Variants in EGFR observed in about 807,000 individuals in gnomAD.
EGFR encodes the protein epidermal growth factor receptor, also known as avian erythroblastic leukemia viral (v-erb-b) oncogene homolog.
Under a neutral mutation model 143.0 loss-of-function variants are expected in EGFR, and 58 were observed. The observed-to-expected ratio is 0.41, with a 90% confidence interval of 0.33 to 0.50. The LOEUF is 0.50. EGFR is among the 20% of genes least tolerant of loss of function. EGFR has a pLI of 0.39. For missense variants in EGFR, 1,307 were observed against 1,579.0 expected (o/e 0.83, Z 2.92); for synonymous variants, 613 against 594.4 (o/e 1.03, Z -0.45).
At chr7:55,134,859 T>C (rs1484553826) in intron 1 of EGFR, among the ~76,000 whole-genome samples, 4 of 152,224 alleles carry the variant, frequency 2.6e-5, no homozygotes, top group East Asian at 1.9e-4. Context: ...GGCCCTTTCA[T>C]GTCCATGATC....
chr7:55,184,189 G>A (rs766876163), intron 20 of EGFR, among the ~76,000 whole-genome samples: 8 of 152,298 alleles, frequency 5.3e-5, no homozygotes, highest in Admixed American at 1.3e-4. Flanking sequence ...GAGCCCCTTC[G>A]CATCGCCCAC....
chr7:55,040,571 A>C (rs550051333), intron 1 of EGFR, among the ~76,000 whole-genome samples: 45 of 152,338 alleles, frequency 3.0e-4, no homozygotes, highest in African/African-American at 1.1e-3. Context: ...GTGCTTATCT[A>C]AACTCTTACT....
chr7:55,201,236 C>T lies in EGFR; in HGVS notation c.2995C>T (p.Arg999Cys), dbSNP rs866928399. Residue 999 changes from arginine (R) to cysteine (C), a missense_variant, in exon 25 of 28, where the codon CGT becomes TGT. By Grantham distance (180) the Arg-to-Cys change is radical. Coordinates refer to ENST00000275493, the MANE Select transcript of EGFR (RefSeq NM_005228.5). ...LPSPTDSNFY[R>C]ALMDEEDMDD... ...AAGTCCTACAGACTCCAACTTCTAC[C>T]GTGCCCTGATGGATGAAGAAGACAT... is the stretch of plus-strand genomic sequence containing the variant. The T allele has an allele frequency of 1.2e-6, 2 of 1,614,176 alleles. No homozygotes were observed. The highest frequency in any genetic ancestry group is 1.7e-6 in the Non-Finnish European group (2 of 1,180,038).
intron 1 of EGFR, among the ~76,000 whole-genome samples, chr7:55,046,009 T>A (rs1261078888): frequency 6.6e-6 from 1 of 152,252 alleles, no homozygotes; most frequent in Non-Finnish European, 1.5e-5. Context: ...ACATATTGAG[T>A]TAAATAAAAC....
At chr7:55,168,742 G>T in intron 15 of EGFR, 1 of 621,572 alleles carries the variant, frequency 1.6e-6, no homozygotes. Context: ...ATTGCCACCT[G>T]TGTCTTCTCC....
At chr7:55,107,069 G>A (rs557549575) in intron 1 of EGFR, among the ~76,000 whole-genome samples, 4 of 152,302 alleles carry the variant, frequency 2.6e-5, no homozygotes, top group South Asian at 2.1e-4. Context: ...ATGTGTGTGT[G>A]TATGTGTGTG....
intron 1 of EGFR, among the ~76,000 whole-genome samples, chr7:55,088,554 G>A (rs185789215): frequency 7.9e-4 from 121 of 152,268 alleles, no homozygotes; most frequent in African/African-American, 2.6e-3. Flanking sequence ...TAGATGCCTG[G>A]CACATGCTTG....
chr7:55,205,145 C>G (rs1216226247), intron 27 of EGFR, 111 bp from the exon 28 acceptor site: 27 of 1,520,548 alleles, frequency 1.8e-5, no homozygotes, highest in Non-Finnish European at 2.3e-5. Context: ...GGCTCCTGCT[C>G]CCTGTCATAA....
chr7:55,035,887 G>A (rs1296776538), intron 1 of EGFR, among the ~76,000 whole-genome samples: 1 of 151,936 alleles, frequency 6.6e-6, no homozygotes, highest in Non-Finnish European at 1.5e-5. Flanking sequence ...TCCTCCAGTA[G>A]TAACATCTTA....
intron 1 of EGFR, among the ~76,000 whole-genome samples, chr7:55,089,954 ATTTATTTAT>A (rs905137053): frequency 4.7e-5 from 7 of 149,990 alleles, no homozygotes; most frequent in African/African-American, 1.7e-4. Context: ...TTATTTATTT[ATTTATTTAT>A]TTATTTATTT....
At chr7:55,181,202 C>A (rs2128957997) in intron 19 of EGFR, 91 bp from the exon 20 acceptor site, 1 of 1,449,752 alleles carries the variant, frequency 6.9e-7, no homozygotes, top group South Asian at 1.1e-5. Flanking sequence ...CTCAAGATCG[C>A]ATTCATGCGT....
chr7:55,080,053 T>C (rs1453905409), intron 1 of EGFR, among the ~76,000 whole-genome samples: 1 of 152,214 alleles, frequency 6.6e-6, no homozygotes, highest in East Asian at 1.9e-4. Context: ...ACTTTTTGTG[T>C]CAGGTTTGAG....
intron 1 of EGFR, among the ~76,000 whole-genome samples, chr7:55,034,397 C>CT (rs1334286246): frequency 1.3e-5 from 2 of 152,112 alleles, no homozygotes; most frequent in Non-Finnish European, 2.9e-5. Flanking sequence ...CCACACCTGA[C>CT]TAATTTTTGT....
At chr7:55,156,398 G>T in intron 8 of EGFR, 135 bp from the exon 9 acceptor site, 5 of 1,273,958 alleles carry the variant, frequency 3.9e-6, no homozygotes, top group Non-Finnish European at 4.5e-6. Flanking sequence ...AGTGTTTGTT[G>T]AGTGAATGAA....
intron 20 of EGFR, among the ~76,000 whole-genome samples, chr7:55,188,370 C>T (rs1188500020): frequency 1.3e-5 from 2 of 152,044 alleles, no homozygotes; most frequent in Admixed American, 6.6e-5. Flanking sequence ...CAAGGTCAAA[C>T]ACAGCCCCCG....
chr7:55,055,704 GCACA>G (rs796811031), intron 1 of EGFR, among the ~76,000 whole-genome samples: 26 of 108,468 alleles, frequency 2.4e-4, no homozygotes, highest in Admixed American at 4.2e-4. Context: ...CCTCTTGCAC[GCACA>G]CACACACACA....
intron 1 of EGFR, among the ~76,000 whole-genome samples, chr7:55,067,883 T>G (rs1287974833): frequency 1.3e-5 from 2 of 151,016 alleles, no homozygotes; most frequent in African/African-American, 4.9e-5. Context: ...TGTGTATACG[T>G]GTGTGTACAT....
intron 1 of EGFR, among the ~76,000 whole-genome samples, chr7:55,067,852 CTG>C (rs925399753): frequency 2.7e-5 from 4 of 150,736 alleles, no homozygotes; most frequent in African/African-American, 4.9e-5. Flanking sequence ...ACGTGTGCGC[CTG>C]TGTGTGTCTG....
At chr7:55,202,383 C>T (rs1206993932) in intron 26 of EGFR, 134 bp from the exon 27 acceptor site, 1 of 735,554 alleles carries the variant, frequency 1.4e-6, no homozygotes, top group Admixed American at 2.1e-5. Flanking sequence ...CAGCACCCAC[C>T]AGGGTGCAGA....
Sources: allele counts gnomAD v4.1 joint callset (sites outside exome capture counted in the v4.1 genomes callset), GRCh38; gene constraint gnomAD v4.1.1; transcripts MANE v1.5; gene names NCBI Gene and HGNC (gene_info 2026-07-23, HGNC 2026-07-21).